The following DGCR8 variants were observed in gnomAD, a reference collection of about 807,000 sequenced individuals.
DGCR8 encodes DGCR8 microprocessor complex subunit, also known as microprocessor complex subunit DGCR8.
A neutral mutation model predicts 78.5 loss-of-function variants in DGCR8; 14 were observed. That is an observed-to-expected ratio of 0.18 (90% CI 0.12 to 0.28). The LOEUF is 0.28. Among genes scored for constraint, DGCR8 ranks in the 10% least tolerant of loss-of-function variants. The probability of loss-of-function intolerance (pLI) is 1.00; values close to 1 mark genes in which losing one functional copy is unlikely to be tolerated. For synonymous variants in DGCR8, 399 were observed against 402.4 expected (o/e 0.99, Z 0.10); for missense variants, 702 against 1,022.5 (o/e 0.69, Z 4.28).
In DGCR8 at chr22:20,084,548, C is replaced by T. The variant is rs945488728; in HGVS notation, c.-277-1139C>T. ...GGTGGCCTTCCTCCTGTGGGTTTGG[C>T]GACTACCTCCTCAGTGCGTCCTGGC... On this transcript the variant is annotated intron_variant, in intron 1 of 13. Coordinates refer to ENST00000351989, the MANE Select transcript of DGCR8 (RefSeq NM_022720.7). Among the ~76,000 whole-genome samples, 6 of 152,264 alleles carry T rather than the reference C, an allele frequency of 3.9e-5. No homozygotes were observed. The East Asian group carries it at 9.6e-4, about 24-fold the overall frequency.
intron 3 of DGCR8, among the ~76,000 whole-genome samples, chr22:20,088,808 AT>A (rs906008618): frequency 2.7e-5 from 4 of 149,500 alleles, no homozygotes; most frequent in Admixed American, 6.7e-5. Context: ...CTGTTTTTTA[AT>A]TTTTTTTTTG....
chr22:20,101,140 C>G (rs34220917), intron 9 of DGCR8: 66,965 of 945,842 alleles, frequency 0.071, 2,636 homozygotes, highest in Non-Finnish European at 0.078. Context: ...AAACCTAGCA[C>G]TCAGGAAATC....
rs971302621 is a variant in DGCR8 at position 20,110,410 on chromosome 22, C to T, written c.*302C>T. On this transcript the variant is annotated 3_prime_UTR_variant, in exon 14 of 14. Transcript: ENST00000351989. ...GGACCCTGCTTCTGTGCACCTGCTG[C>T]AGGCTCTTTTTATGAAGGCTTTCAT... The T allele has an allele frequency of 5.4e-6, 2 of 367,956 alleles. No individual in the cohort carries two copies. Among genetic ancestry groups the T allele is most frequent in the Non-Finnish European group, 9.8e-6 (2 of 203,916 alleles). 22.8% of individuals were successfully genotyped at this position (367,956 alleles called of 1,614,324 possible). A position where few individuals can be genotyped will look rare whatever the true frequency, so the allele number is the denominator to read the frequency against.
chr22:20,104,157 C>CT (rs1220884827), intron 9 of DGCR8, among the ~76,000 whole-genome samples: 7,035 of 135,980 alleles, frequency 0.052, 238 homozygotes, highest in South Asian at 0.13. Flanking sequence ...TGGTGTCGGT[C>CT]TTTTTTTTTT....
chr22:20,109,099 C>G, intron 13 of DGCR8, 96 bp downstream of exon 13: 1 of 700,336 alleles, frequency 1.4e-6, no homozygotes, highest in South Asian at 1.5e-5. Flanking sequence ...CCTGAGCTGA[C>G]ACCTTGGAAA....
At chr22:20,097,331 A>T (rs1465547232) in intron 9 of DGCR8, among the ~76,000 whole-genome samples, 1 of 152,224 alleles carries the variant, frequency 6.6e-6, no homozygotes, top group African/African-American at 2.4e-5. Context: ...AGAGCTACTT[A>T]ATTGCTAATT....
intron 11 of DGCR8, 124 bp from the exon 12 acceptor site, chr22:20,107,147 T>C: frequency 1.9e-6 from 2 of 1,065,552 alleles, no homozygotes; most frequent in Non-Finnish European, 2.9e-6. Flanking sequence ...GTGCTGCCTA[T>C]TCCTGTAGAA....
intron 9 of DGCR8, among the ~76,000 whole-genome samples, chr22:20,095,316 G>C (rs1046200020): frequency 1.3e-5 from 2 of 152,118 alleles, no homozygotes; most frequent in Admixed American, 1.3e-4. Context: ...ATGTTGGCCA[G>C]GCTGGTCTCG....
Position 20,091,357 on chromosome 22 carries a change from C to T in DGCR8, c.1307-78C>T, listed in dbSNP as rs982527250. 6 of 1,439,480 alleles carry T rather than the reference C, an allele frequency of 4.2e-6. No homozygotes were observed. The African/African-American group carries it at 4.2e-5, about 10-fold the overall frequency. 89.2% of individuals were successfully genotyped at this position (1,439,480 alleles called of 1,614,324 possible). On this transcript the variant is annotated intron_variant, in intron 5 of 13. Coordinates refer to ENST00000351989, the MANE Select transcript of DGCR8 (RefSeq NM_022720.7). The stretch of plus-strand genomic sequence containing the variant: ...AATAGTGTCATGTGGCCTGGGCCTG[C>T]CCCATGCACTGGGCTGTGAGAACCT...
intron 12 of DGCR8, 117 bp downstream of exon 12, chr22:20,107,515 C>T (rs2049784920): frequency 1.5e-6 from 2 of 1,328,952 alleles, no homozygotes; most frequent in South Asian, 2.6e-5. Flanking sequence ...TCACAGCTGC[C>T]TCTCTCCTGG....
intron 7 of DGCR8, among the ~76,000 whole-genome samples, 165 bp from the exon 8 acceptor site, chr22:20,092,644 C>T (rs1045663936): frequency 6.6e-6 from 1 of 152,178 alleles, no homozygotes; most frequent in African/African-American, 2.4e-5. Flanking sequence ...TTGTCTGCTG[C>T]CCGTCTCCAG....
In DGCR8 at chr22:20,094,747, T is replaced by C. The variant is rs1463309581; in HGVS notation, c.1740T>C (p.Phe580=). The C allele has an allele frequency of 3.1e-6, 5 of 1,614,028 alleles. No individual in the cohort carries two copies. Among genetic ancestry groups the C allele is most frequent in the Non-Finnish European group, 4.2e-6 (5 of 1,180,016 alleles). ...CACTGGAAATCCTCATCCCTGACTT[T>C]GTTAAACAGACCTCTGAAGAGAAGC... ...RATLEILIPD[F]VKQTSEEKPK... Residue 580 remains phenylalanine, a synonymous_variant, in exon 9 of 14, where the codon TTT becomes TTC. Coordinates refer to ENST00000351989, the MANE Select transcript of DGCR8 (RefSeq NM_022720.7).
intron 1 of DGCR8, 101 bp downstream of exon 1, chr22:20,080,484 C>G (rs2049404825): frequency 1.0e-6 from 1 of 983,792 alleles, no homozygotes. Flanking sequence ...GGACCGAGGC[C>G]GCGGGCGGGG....
chr22:20,104,882 G>A (rs1211202267), intron 9 of DGCR8, among the ~76,000 whole-genome samples: 3 of 147,870 alleles, frequency 2.0e-5, no homozygotes, highest in African/African-American at 7.3e-5. Context: ...CTGTCTGTAG[G>A]GCCAGTGTCC....
At position 20,080,283 on chromosome 22, in the gene DGCR8, A is replaced by G; in HGVS notation, c.-378A>G. ...GGCAGGCGGGTGCCGGCGACCGGAG[A>G]GCCTGGACAGGCTTTCCAGATGGCT... On this transcript the variant is annotated 5_prime_UTR_variant, in exon 1 of 14. Transcript: ENST00000351989. 1.0e-6 allele frequency: 1 copy of G among 980,568 alleles called. No homozygotes were observed. Among genetic ancestry groups the G allele is most frequent in the Non-Finnish European group, 1.2e-6 (1 of 828,020 alleles). The allele number at this position is 980,568 out of a possible 1,614,324, so 60.7% of individuals were successfully genotyped here. A position where few individuals can be genotyped will look rare whatever the true frequency, so the allele number is the denominator to read the frequency against.
Position 20,091,644 on chromosome 22 carries a change from T to C in DGCR8, c.1504+12T>C, listed in dbSNP as rs1433607617. The C allele has an allele frequency of 6.2e-7, 1 of 1,612,422 alleles. No homozygotes were observed. Among genetic ancestry groups the C allele is most frequent in the Non-Finnish European group, 8.5e-7 (1 of 1,178,578 alleles). ...ACCCACAAAGAAAGGTATAAGCCTC[T>C]GCATTTTAACATCAGCAGACTGGTT... is the stretch of plus-strand genomic sequence containing the variant. On this transcript the variant is annotated intron_variant, in intron 6 of 13. Coordinates refer to ENST00000351989, the MANE Select transcript of DGCR8 (RefSeq NM_022720.7).
At chr22:20,096,419 T>G (rs964163460) in intron 9 of DGCR8, 104 of 984,956 alleles carry the variant, frequency 1.1e-4, no homozygotes, top group Middle Eastern at 5.2e-4. Context: ...GTCAGCCATG[T>G]GAAGAACCAT....
rs1389958089 is a variant in DGCR8, at chr22:20,086,501, G to A, written c.538G>A (p.Asp180Asn). The change falls in exon 2 of 14, where the codon GAT becomes AAT. Residue 180 changes from aspartate to asparagine, a missense_variant. Physicochemically the swap from Asp to Asn is conservative, Grantham distance 23. Transcript: ENST00000351989. The surrounding 1 kb of genome is among the most constrained non-coding windows in gnomAD (Gnocchi z 6.4). Reference sequence around the variant, plus strand: ...GGTAGGCATAGGGGGTGAGAGTGCTGATAAGAAGGATGAGGAGAATGAGCT... The same window carrying A: ...GGTAGGCATAGGGGGTGAGAGTGCTAATAAGAAGGATGAGGAGAATGAGCT... ...DGVGIGGESA[D>N]KKDEENELDQ... 1.2e-6 allele frequency: 2 copies of A among 1,614,098 alleles called. No individual in the cohort carries two copies. Among genetic ancestry groups the A allele is most frequent in the East Asian group, 4.5e-5 (2 of 44,880 alleles).
At chr22:20,092,935 T>C (rs1568955839) in intron 8 of DGCR8, 28 bp downstream of exon 8, 1 of 1,580,944 alleles carries the variant, frequency 6.3e-7, no homozygotes. Flanking sequence ...GTGTCAAAGA[T>C]ACGTGCTGCC....
Sources: gnomAD v4.1 joint callset for allele counts (sites outside exome capture counted in the v4.1 genomes callset) on GRCh38, gnomAD v4.1.1 for gene constraint, Gnocchi (gnomAD v3.1) non-coding constraint, MANE v1.5 for transcripts, NCBI Gene and HGNC (gene_info 2026-07-23, HGNC 2026-07-21) for gene names.